EFCC1: variants seen among roughly 807,000 people sequenced by gnomAD.
EFCC1 encodes the protein EF-hand and coiled-coil domain containing 1, also known as EF-hand and coiled-coil domain-containing protein 1.
Under a neutral mutation model 52.1 loss-of-function variants are expected in EFCC1, and 50 were observed. The observed-to-expected ratio is 0.96, with a 90% CI of 0.76 to 1.21. The LOEUF (loss-of-function observed/expected upper bound fraction) is 1.21, where lower values mean the gene tolerates loss of function less well. Among genes scored for constraint, EFCC1 ranks in the 50% most tolerant of loss-of-function variants. The pLI is 0.00. For missense variants in EFCC1, 837 were observed against 867.3 expected (o/e 0.97, Z 0.44); for synonymous variants, 399 against 396.5 (o/e 1.01, Z -0.08).
chr3:129,030,856 T>A lies in EFCC1; in HGVS notation c.1134T>A (p.Asp378Glu). The change falls in exon 3 of 8, where the codon GAT (aspartate) becomes GAA (glutamate). Residue 378 changes from aspartate to glutamate, a missense_variant. Transcript: ENST00000683648. Reference sequence around the variant, plus strand: ...GCAGCTCTGGAAGCAGAGCCCTGGATGAAGGTTTGTCCCCTGTGCGCCCAG... The same window carrying A: ...GCAGCTCTGGAAGCAGAGCCCTGGAAGAAGGTTTGTCCCCTGTGCGCCCAG... ...SDSSSGSRAL[D>E]EAVDEQLFRS... 2 of 1,550,668 alleles carry A rather than the reference T, an allele frequency of 1.3e-6. No individual in the cohort carries two copies. The highest frequency in any genetic ancestry group is 1.7e-4 in the Middle Eastern group (1 of 5,980).
intron 2 of EFCC1, among the ~76,000 whole-genome samples, chr3:129,028,738 G>C (rs554179970): frequency 6.6e-6 from 1 of 152,022 alleles, no homozygotes; most frequent in Non-Finnish European, 1.5e-5. Flanking sequence ...CGCCTCCCAG[G>C]TTCAAGCGAT....
In EFCC1 at chr3:129,001,700, GCGGC is replaced by G; in HGVS notation, c.73_76del (p.Arg25AlafsTer6). 2 of 1,498,782 alleles carry G rather than the reference GCGGC, an allele frequency of 1.3e-6. No homozygotes were observed. The highest frequency in any genetic ancestry group is 1.8e-6 in the Non-Finnish European group (2 of 1,126,602). 92.8% of individuals were successfully genotyped at this position (1,498,782 alleles called of 1,614,324 possible). ...GAGGTGACCCGTACCGGCGACCTGC[GCGGC>G]GCACGCAGTGGCTGCTGAGCGCCCT... On this transcript the variant is annotated frameshift_variant, in exon 1 of 8. Coordinates refer to ENST00000683648, the MANE Select transcript of EFCC1 (RefSeq NM_001377500.1). LOFTEE classifies it high-confidence loss of function.
At chr3:129,029,075 T>A (rs1342876683) in intron 2 of EFCC1, among the ~76,000 whole-genome samples, 1 of 152,168 alleles carries the variant, frequency 6.6e-6, no homozygotes, top group African/African-American at 2.4e-5. Flanking sequence ...CATCAGTGGC[T>A]CTGCCTGCGA....
intron 1 of EFCC1, chr3:129,002,586 C>A: frequency 1.8e-6 from 1 of 570,544 alleles, no homozygotes; most frequent in Non-Finnish European, 2.8e-6. Context: ...CACTTTTCTG[C>A]TCCACCGCCA....
At chr3:129,036,928 A>G (rs1292924722) in intron 5 of EFCC1, 49 bp from the exon 6 acceptor site, 5 of 1,611,054 alleles carry the variant, frequency 3.1e-6, no homozygotes, top group Non-Finnish European at 4.2e-6. Flanking sequence ...GCCACCTGGA[A>G]GGCTGGGAGA....
In EFCC1 at chr3:129,037,063, G is replaced by C; in HGVS notation, c.1539G>C (p.Leu513=). 6.2e-7 allele frequency: 1 copy of C among 1,613,390 alleles called. No individual in the cohort carries two copies. Among genetic ancestry groups the C allele is most frequent in the Non-Finnish European group, 8.5e-7 (1 of 1,179,830 alleles). The change falls in exon 6 of 8, where the codon CTG becomes CTC. Residue 513 remains leucine (L), a synonymous_variant. Coordinates refer to ENST00000683648, the MANE Select transcript of EFCC1 (RefSeq NM_001377500.1). Reference sequence around the variant, plus strand: ...AGACCGAGAGGGTGCGGCTGTCCCTGCTGGAGGAGAAGCTGGTGGACGTGC... The same window carrying C: ...AGACCGAGAGGGTGCGGCTGTCCCTCCTGGAGGAGAAGCTGGTGGACGTGC... ...MVETERVRLS[L]LEEKLVDVLQ... is the part of the protein sequence containing the mutation.
intron 6 of EFCC1, among the ~76,000 whole-genome samples, chr3:129,037,531 C>A (rs1946372259): frequency 6.6e-6 from 1 of 152,092 alleles, no homozygotes; most frequent in Non-Finnish European, 1.5e-5. Flanking sequence ...AAGGATGATT[C>A]CACATCAAAA....
intron 2 of EFCC1, among the ~76,000 whole-genome samples, chr3:129,019,420 C>G (rs550653927): frequency 6.6e-6 from 1 of 152,270 alleles, no homozygotes; most frequent in East Asian, 1.9e-4. Context: ...CAGTGTTTGT[C>G]TTAGTGGTTT....
chr3:129,026,178 C>G (rs573102513), intron 2 of EFCC1, among the ~76,000 whole-genome samples: 1 of 152,196 alleles, frequency 6.6e-6, no homozygotes, highest in Non-Finnish European at 1.5e-5. Context: ...CGTTGCTGTC[C>G]GTGCAGGAAG....
At position 129,014,474 on chromosome 3, in the gene EFCC1, G is replaced by A. The variant is rs752424650; in HGVS notation, c.980+10397G>A. ...TATCCTCGCGTGGTCTTCCTTCTGT[G>A]TGTATTTCTGTCCTAATCCCCTCTT... On this transcript the variant is annotated intron_variant, in intron 2 of 7. Transcript: ENST00000683648. This position sits in a 1 kb window ranked among gnomAD's most constrained non-coding sequence, Gnocchi z 4.3. 3.9e-5 allele frequency among the ~76,000 whole-genome samples: 6 copies of A among 152,236 alleles called. No individual in the cohort carries two copies. Among genetic ancestry groups the A allele is most frequent in the Non-Finnish European group, 7.3e-5 (5 of 68,046 alleles).
intron 5 of EFCC1, among the ~76,000 whole-genome samples, chr3:129,036,265 G>A (rs1051076826): frequency 2.6e-5 from 4 of 152,230 alleles, no homozygotes; most frequent in African/African-American, 9.6e-5. Flanking sequence ...AGAGGCACTG[G>A]GCCTTCCCTC....
At chr3:129,038,178 T>C (rs971718401) in intron 6 of EFCC1, among the ~76,000 whole-genome samples, 4 of 152,206 alleles carry the variant, frequency 2.6e-5, no homozygotes, top group Non-Finnish European at 2.9e-5. Flanking sequence ...AGAAAGGCTA[T>C]AAGGACTAGA....
intron 2 of EFCC1, among the ~76,000 whole-genome samples, chr3:129,017,633 G>A (rs996196774): frequency 4.6e-5 from 7 of 152,184 alleles, no homozygotes; most frequent in African/African-American, 1.2e-4. Flanking sequence ...AGCCAGCAAC[G>A]ACCTGCCCCA....
At position 129,038,822 on chromosome 3, in the gene EFCC1, C is replaced by A; in HGVS notation, c.1594-9C>A. 1.9e-6 allele frequency: 3 copies of A among 1,613,622 alleles called. No individual in the cohort carries two copies. Among genetic ancestry groups the A allele is most frequent in the African/African-American group, 2.7e-5 (2 of 75,030 alleles). On this transcript the variant is annotated splice_polypyrimidine_tract_variant and intron_variant, in intron 6 of 7. Coordinates refer to ENST00000683648, the MANE Select transcript of EFCC1 (RefSeq NM_001377500.1). ...GTCTAATCCAGCCTTGTTTCCATTTCTTTTTAAGAACATATCGAAAAGAGC... is the reference window on the plus strand; with the variant it reads ...GTCTAATCCAGCCTTGTTTCCATTTATTTTTAAGAACATATCGAAAAGAGC...
At chr3:129,028,112 C>A (rs565156825) in intron 2 of EFCC1, among the ~76,000 whole-genome samples, 22 of 149,508 alleles carry the variant, frequency 1.5e-4, no homozygotes, top group Admixed American at 6.7e-4. Context: ...TGAGATGGAG[C>A]CTCACCTTTT....
intron 1 of EFCC1, among the ~76,000 whole-genome samples, chr3:129,003,057 A>C (rs1226616232): frequency 6.6e-6 from 1 of 152,168 alleles, no homozygotes; most frequent in Non-Finnish European, 1.5e-5. Flanking sequence ...GGAGGAAAGG[A>C]ACAGCCCCTA....
intron 4 of EFCC1, among the ~76,000 whole-genome samples, chr3:129,033,901 G>A (rs571556678): frequency 1.1e-4 from 17 of 152,352 alleles, no homozygotes; most frequent in South Asian, 1.0e-3. Context: ...TGGCGGGACC[G>A]CCAGGAGGCC....
intron 2 of EFCC1, among the ~76,000 whole-genome samples, chr3:129,011,380 G>A (rs765273744): frequency 1.3e-5 from 2 of 151,994 alleles, no homozygotes; most frequent in African/African-American, 2.4e-5. Flanking sequence ...GTGAAACCCC[G>A]TCTCTACTAA....
rs982462795 is a variant in EFCC1, at chr3:129,034,398, G to A, written c.1452+69G>A. 3.2e-6 allele frequency: 5 copies of A among 1,540,074 alleles called. No homozygotes were observed. In the African/African-American group the frequency reaches 6.8e-5, roughly 21 times the overall value. ...ATCTCACAGCTGGAAGGGTCTGAGG[G>A]ATTGCAGCCAAGTCTTGTGCCTCAT... On this transcript the variant is annotated intron_variant, in intron 5 of 7. Coordinates refer to ENST00000683648, the MANE Select transcript of EFCC1 (RefSeq NM_001377500.1).
Sources: gnomAD v4.1 joint callset for allele counts (sites outside exome capture counted in the v4.1 genomes callset) on GRCh38, gnomAD v4.1.1 for gene constraint, Gnocchi (gnomAD v3.1) non-coding constraint, MANE v1.5 for transcripts, NCBI Gene and HGNC (gene_info 2026-07-23, HGNC 2026-07-21) for gene names.